The following ZMAT4 variants were observed in gnomAD, a reference collection of about 807,000 sequenced individuals.
The protein encoded by ZMAT4 is zinc finger matrin-type protein 4.
ZMAT4 carries 17 observed loss-of-function variants against 28.7 expected under a neutral mutation model. The observed-to-expected ratio is 0.59, with a 90% CI of 0.41 to 0.89. ZMAT4 has a LOEUF of 0.89. Ranked by LOEUF, ZMAT4 falls within the 40% of genes least tolerant of loss-of-function variation. The pLI, the probability that ZMAT4 is intolerant of heterozygous loss-of-function variation, is 0.00. For missense variants in ZMAT4, 240 were observed against 283.8 expected, an observed-to-expected ratio of 0.85 and a Z score of 1.11; for synonymous variants, 117 against 109.2, an observed-to-expected ratio of 1.07 and a Z score of -0.44.
chr8:40,533,473 T>G (rs543022969), intron 6 of ZMAT4, among the ~76,000 whole-genome samples: 1 of 152,336 alleles, frequency 6.6e-6, no homozygotes, highest in South Asian at 2.1e-4. Flanking sequence ...CAGGTTAGAC[T>G]CTTTTCACAG....
At chr8:40,773,464 C>T (rs1427517473) in intron 2 of ZMAT4, among the ~76,000 whole-genome samples, 1 of 151,712 alleles carries the variant, frequency 6.6e-6, no homozygotes, top group Non-Finnish European at 1.5e-5. Flanking sequence ...GGAAACATGG[C>T]TGGCTTTAAT....
chr8:40,587,312 C>A (rs1477942461), intron 5 of ZMAT4, among the ~76,000 whole-genome samples: 1 of 151,926 alleles, frequency 6.6e-6, no homozygotes, highest in East Asian at 1.9e-4. Context: ...CAACCAGACT[C>A]AGACTATGGG....
intron 1 of ZMAT4, among the ~76,000 whole-genome samples, chr8:40,869,348 A>T (rs1817775447): frequency 6.6e-6 from 1 of 152,156 alleles, no homozygotes; most frequent in South Asian, 2.1e-4. Context: ...CCTTACACTG[A>T]TATCTAAGGG....
intron 1 of ZMAT4, among the ~76,000 whole-genome samples, chr8:40,841,743 CA>C (rs1458803204): frequency 6.6e-6 from 1 of 152,184 alleles, no homozygotes; most frequent in East Asian, 1.9e-4. Flanking sequence ...GATAAAATAA[CA>C]AGATAAAATG....
chr8:40,715,224 A>G (rs1810799098), intron 3 of ZMAT4, among the ~76,000 whole-genome samples: 1 of 152,106 alleles, frequency 6.6e-6, no homozygotes, highest in South Asian at 2.1e-4. Context: ...TGCACAGATT[A>G]GCAAAGGAAA....
chr8:40,756,458 A>ATATATATATATATATG (rs59685174), intron 3 of ZMAT4, among the ~76,000 whole-genome samples: 1 of 115,956 alleles, frequency 8.6e-6, no homozygotes, highest in East Asian at 2.7e-4. Flanking sequence ...ATATATATAT[A>ATATATATATATATATG]CACACTTGTA....
intron 5 of ZMAT4, among the ~76,000 whole-genome samples, chr8:40,606,251 T>C (rs530419941): frequency 1.1e-4 from 16 of 152,172 alleles, no homozygotes; most frequent in Admixed American, 2.6e-4. Flanking sequence ...TTTTCCTTTA[T>C]TGTTTTATTG....
chr8:40,785,280 A>G (rs368848302), intron 2 of ZMAT4, among the ~76,000 whole-genome samples: 1 of 152,366 alleles, frequency 6.6e-6, no homozygotes, highest in African/African-American at 2.4e-5. Flanking sequence ...TGTCTTGGCC[A>G]CATAGTTTAG....
At chr8:40,644,250 C>CCTAGAAA (rs1468668443) in intron 5 of ZMAT4, among the ~76,000 whole-genome samples, 8 of 152,094 alleles carry the variant, frequency 5.3e-5, no homozygotes, top group African/African-American at 1.7e-4. Context: ...CAACCTAGCA[C>CCTAGAAA]CCAAATGTTG....
intron 5 of ZMAT4, among the ~76,000 whole-genome samples, chr8:40,647,971 G>A (rs980069963): frequency 6.6e-6 from 1 of 152,106 alleles, no homozygotes; most frequent in Non-Finnish European, 1.5e-5. Flanking sequence ...ACAAAGATGG[G>A]GAAAAAACAG....
At chr8:40,684,251 A>T (rs571919318) in intron 4 of ZMAT4, among the ~76,000 whole-genome samples, 1 of 152,212 alleles carries the variant, frequency 6.6e-6, no homozygotes, top group Non-Finnish European at 1.5e-5. Flanking sequence ...AAGAGTTATG[A>T]CTTCACGCAT....
chr8:40,785,598 T>G (rs1586047758), intron 2 of ZMAT4, among the ~76,000 whole-genome samples: 1 of 152,222 alleles, frequency 6.6e-6, no homozygotes, highest in South Asian at 2.1e-4. Flanking sequence ...AATTTCTTCC[T>G]GACCCTCATC....
rs1220421895 is a variant in ZMAT4, at chr8:40,581,157, G to GT, written c.674+7dup. The GT allele has an allele frequency of 6.8e-6, 11 of 1,610,634 alleles. No homozygotes were observed. Among genetic ancestry groups the GT allele is most frequent in the East Asian group, 4.5e-5 (2 of 44,758 alleles). On this transcript the variant is annotated splice_region_variant and intron_variant, in intron 6 of 6. Coordinates refer to ENST00000297737, the MANE Select transcript of ZMAT4 (RefSeq NM_024645.3). ...GAAACTGAAGAGTGAAAGCACAAAA[G>GT]TACCTACTTGGTCTGGTGTTTAGAT...
intron 1 of ZMAT4, among the ~76,000 whole-genome samples, chr8:40,885,254 G>A (rs1191718060): frequency 1.3e-5 from 2 of 152,070 alleles, no homozygotes; most frequent in Non-Finnish European, 2.9e-5. Flanking sequence ...CACCATCTCA[G>A]GCCAAAAGCC....
intron 4 of ZMAT4, among the ~76,000 whole-genome samples, chr8:40,695,773 T>C (rs1275895870): frequency 5.5e-5 from 2 of 36,272 alleles, no homozygotes; most frequent in Non-Finnish European, 9.9e-5. Flanking sequence ...TGGCAATTTT[T>C]TTTTTTTTTT....
At chr8:40,797,544 G>A (rs886249450) in intron 2 of ZMAT4, among the ~76,000 whole-genome samples, 2 of 152,134 alleles carry the variant, frequency 1.3e-5, no homozygotes, top group African/African-American at 4.8e-5. Context: ...GACTAAGGAC[G>A]GTGGTATTTG....
chr8:40,860,303 T>A (rs1039222665), intron 1 of ZMAT4, among the ~76,000 whole-genome samples: 2 of 151,908 alleles, frequency 1.3e-5, no homozygotes, highest in Non-Finnish European at 2.9e-5. Context: ...TGAGCAGAGG[T>A]CAGGCTGGAC....
chr8:40,850,176 G>A (rs778765175), intron 1 of ZMAT4, among the ~76,000 whole-genome samples: 37 of 152,002 alleles, frequency 2.4e-4, no homozygotes, highest in African/African-American at 8.2e-4. Flanking sequence ...TTCTTCATGC[G>A]GTCAATCAGA....
intron 6 of ZMAT4, among the ~76,000 whole-genome samples, chr8:40,574,229 T>C (rs1440318806): frequency 1.3e-5 from 2 of 152,098 alleles, no homozygotes; most frequent in East Asian, 3.9e-4. Flanking sequence ...GATGTTGGTG[T>C]ACACTAATAT....
Sources: gnomAD v4.1 joint callset for allele counts (sites outside exome capture counted in the v4.1 genomes callset) on GRCh38, gnomAD v4.1.1 for gene constraint, MANE v1.5 for transcripts, NCBI Gene and HGNC (gene_info 2026-07-23, HGNC 2026-07-21) for gene names.